GAN: variants seen among roughly 807,000 people sequenced by gnomAD.
GAN encodes epididymis secretory sperm binding protein.
GAN carries 48 observed loss-of-function variants against 71.3 expected under a neutral mutation model. The observed-to-expected ratio is 0.67, with a 90% CI of 0.53 to 0.86. The LOEUF is 0.86. Among genes scored for constraint, GAN ranks in the 40% least tolerant of loss-of-function variants. GAN has a pLI of 0.00. For missense variants in GAN, 928 were observed against 770.1 expected (o/e 1.21, Z -2.43); for synonymous variants, 386 against 276.8 (o/e 1.39, Z -3.92).
intron 7 of GAN, 83 bp from the exon 8 acceptor site, chr16:81,364,891 T>A: frequency 7.5e-7 from 1 of 1,341,394 alleles, no homozygotes; most frequent in South Asian, 1.2e-5. Flanking sequence ...TCTCTTTAAG[T>A]ATGGCCCAGA....
At position 81,363,846 on chromosome 16, in the gene GAN, G is replaced by C. The variant is rs1427637335; in HGVS notation, c.1139G>C (p.Gly380Ala). The change falls in exon 7 of 11, where the codon GGA becomes GCA. Residue 380 changes from glycine (G) to alanine (A), a missense_variant. Transcript: ENST00000648994. ...ATAGATGGGATGCTGTACATTTTGG[G>C]AGGAGAGGATGGTGAAAAGGAGCTG... ...VEIDGMLYILGGEDGEKELIS... is the reference protein window; with the variant it reads ...VEIDGMLYILAGEDGEKELIS... 1 of 1,612,534 alleles carries C rather than the reference G, an allele frequency of 6.2e-7. No homozygotes were observed. The highest frequency in any genetic ancestry group is 8.5e-7 in the Non-Finnish European group (1 of 1,178,658).
At chr16:81,373,504 G>A (rs9933437) in intron 9 of GAN, among the ~76,000 whole-genome samples, 84 of 152,338 alleles carry the variant, frequency 5.5e-4, no homozygotes, top group African/African-American at 1.7e-3. Flanking sequence ...TAGTTAAAGA[G>A]TTCCCATTTC....
intron 9 of GAN, 36 bp downstream of exon 9, chr16:81,365,514 T>G (rs1276168025): frequency 1.3e-6 from 2 of 1,599,586 alleles, no homozygotes; most frequent in Non-Finnish European, 1.7e-6. Flanking sequence ...TACTGCAACT[T>G]TTTCTTTGTG....
intron 1 of GAN, among the ~76,000 whole-genome samples, chr16:81,316,292 A>G (rs956794519): frequency 6.6e-6 from 1 of 152,200 alleles, no homozygotes; most frequent in African/African-American, 2.4e-5. Flanking sequence ...TTGACAGGTC[A>G]GAAAAAGCAA....
At chr16:81,354,876 C>T in intron 3 of GAN, 121 bp downstream of exon 3, 2 of 667,404 alleles carry the variant, frequency 3.0e-6, no homozygotes, top group Non-Finnish European at 5.3e-6. Flanking sequence ...TAAAAGATAC[C>T]TGTAAAACAT....
At position 81,338,933 on chromosome 16, in the gene GAN, G is replaced by A. The variant is rs567568624; in HGVS notation, c.168-12650G>A. ...GATGCTACTAAGATGGCATGTGCAG[G>A]CTGGTGATGGTCTGCACATTGTTAC... is the stretch of plus-strand genomic sequence containing the variant. On this transcript the variant is annotated intron_variant, in intron 1 of 10. Coordinates refer to ENST00000648994, the MANE Select transcript of GAN (RefSeq NM_022041.4). Among the ~76,000 whole-genome samples, 236 of 152,348 alleles carry A rather than the reference G, an allele frequency of 1.5e-3. 1 individual carries two copies. The highest frequency in any genetic ancestry group is 5.5e-3 in the African/African-American group (229 of 41,572).
At chr16:81,365,138 G>T in intron 8 of GAN, 28 bp downstream of exon 8, 1 of 1,611,014 alleles carries the variant, frequency 6.2e-7, no homozygotes, top group Non-Finnish European at 8.5e-7. Context: ...GGACTTTGTA[G>T]ATTCCCTTGC....
intron 1 of GAN, among the ~76,000 whole-genome samples, chr16:81,336,680 G>T (rs890253348): frequency 3.3e-5 from 5 of 149,292 alleles, no homozygotes; most frequent in African/African-American, 1.2e-4. Flanking sequence ...GTCTCACTCT[G>T]TTGTCCAGGC....
rs1047029674 is a variant in GAN at position 81,379,819 on chromosome 16, C to T, written c.*2223C>T. On this transcript the variant is annotated 3_prime_UTR_variant, in exon 11 of 11. Transcript: ENST00000648994. ...TTTTTTTCCAGTCTACACCAGGCCT[C>T]TCCAAGGAGACAGTTCATTATTTAG... The T allele has an allele frequency of 1.3e-5, 2 of 152,096 alleles. No individual in the cohort carries two copies. The highest frequency in any genetic ancestry group is 2.9e-5 in the Non-Finnish European group (2 of 68,010). 9.4% of individuals were successfully genotyped at this position (152,096 alleles called of 1,614,324 possible).
intron 1 of GAN, among the ~76,000 whole-genome samples, chr16:81,326,114 A>G (rs191578160): frequency 6.6e-6 from 1 of 152,288 alleles, no homozygotes; most frequent in Admixed American, 6.5e-5. Context: ...TCATCGCCTC[A>G]TTTAGTGTGG....
At position 81,380,594 on chromosome 16, in the gene GAN, C is replaced by G. The variant is rs1208406065; in HGVS notation, c.*2998C>G. 1.3e-5 allele frequency: 2 copies of G among 152,066 alleles called. No homozygotes were observed. The highest frequency in any genetic ancestry group is 2.9e-5 in the Non-Finnish European group (2 of 68,018). 9.4% of individuals were successfully genotyped at this position (152,066 alleles called of 1,614,324 possible). A position where few individuals can be genotyped will look rare whatever the true frequency, so the allele number is the denominator to read the frequency against. On this transcript the variant is annotated 3_prime_UTR_variant, in exon 11 of 11. Transcript: ENST00000648994. The stretch of plus-strand genomic sequence containing the variant: ...ACGTGTGTGTGTGATGCTATTTGAC[C>G]TGATAAATGTATTTGTGTTTACTTT...
At chr16:81,359,978 G>C (rs1910618071) in intron 5 of GAN, among the ~76,000 whole-genome samples, 1 of 152,114 alleles carries the variant, frequency 6.6e-6, no homozygotes, top group Non-Finnish European at 1.5e-5. Context: ...ATAAGGGGTA[G>C]CTACTATATA....
At chr16:81,361,032 G>C (rs1003753816) in intron 5 of GAN, among the ~76,000 whole-genome samples, 3 of 152,046 alleles carry the variant, frequency 2.0e-5, no homozygotes, top group Non-Finnish European at 4.4e-5. Flanking sequence ...GAAATCAACT[G>C]GCCAACATGG....
rs1332806151 is a variant in GAN at position 81,387,705 on chromosome 16, A to G, written c.*10109A>G. ...TTGGTGGGCCCCTGTAATCCCAGCT[A>G]CTCGGGAGGTTGAGGGAGGAGAATC... On this transcript the variant is annotated 3_prime_UTR_variant, in exon 11 of 11. Coordinates refer to ENST00000648994, the MANE Select transcript of GAN (RefSeq NM_022041.4). The G allele has an allele frequency of 6.6e-6, 1 of 151,910 alleles. No individual in the cohort carries two copies. The highest frequency in any genetic ancestry group is 1.5e-5 in the Non-Finnish European group (1 of 68,064). The allele number at this position is 151,910 out of a possible 1,614,324, so 9.4% of individuals were successfully genotyped here.
In GAN at chr16:81,377,750, T is replaced by C; in HGVS notation, c.*154T>C. The C allele has an allele frequency of 4.0e-6, 3 of 746,148 alleles. No homozygotes were observed. Among genetic ancestry groups the C allele is most frequent in the Admixed American group, 2.2e-5 (1 of 46,182 alleles). 46.2% of individuals were successfully genotyped at this position (746,148 alleles called of 1,614,324 possible). Reference sequence around the variant, plus strand: ...TTATGATGCTTACAAACTTGAGCTTTAGCTCTTGTTTGGGAGAACACGTAA... The same window carrying C: ...TTATGATGCTTACAAACTTGAGCTTCAGCTCTTGTTTGGGAGAACACGTAA... On this transcript the variant is annotated 3_prime_UTR_variant, in exon 11 of 11. Coordinates refer to ENST00000648994, the MANE Select transcript of GAN (RefSeq NM_022041.4).
chr16:81,369,933 G>A (rs540953203), intron 9 of GAN, among the ~76,000 whole-genome samples: 61 of 152,288 alleles, frequency 4.0e-4, no homozygotes, highest in Admixed American at 1.0e-3. Context: ...TGATCATACT[G>A]ATCCCAAATT....
intron 1 of GAN, among the ~76,000 whole-genome samples, chr16:81,342,766 A>G (rs1348297808): frequency 6.6e-6 from 1 of 152,240 alleles, no homozygotes; most frequent in Admixed American, 6.5e-5. Context: ...GCAGAAGACA[A>G]GAAATAACTA....
At chr16:81,360,763 A>G (rs1046380071) in intron 5 of GAN, among the ~76,000 whole-genome samples, 7 of 152,036 alleles carry the variant, frequency 4.6e-5, no homozygotes, top group African/African-American at 1.7e-4. Context: ...TAAATTTTAG[A>G]CTTTATTCTT....
Position 81,337,677 on chromosome 16 carries a change from A to T in GAN, c.168-13906A>T, listed in dbSNP as rs145706866. On this transcript the variant is annotated intron_variant, in intron 1 of 10. Coordinates refer to ENST00000648994, the MANE Select transcript of GAN (RefSeq NM_022041.4). ...CCCTTTCATGGATGTAAAACTTTGAATAATACCATCTTCTTTATTAGCTAG... is the reference window on the plus strand; with the variant it reads ...CCCTTTCATGGATGTAAAACTTTGATTAATACCATCTTCTTTATTAGCTAG... Among the ~76,000 whole-genome samples the T allele has an allele frequency of 9.3e-3, 1,418 of 152,354 alleles. 20 individuals carry two copies. The highest frequency in any genetic ancestry group is 0.032 in the African/African-American group (1,347 of 41,572).
Sources: gnomAD v4.1 joint callset for allele counts (sites outside exome capture counted in the v4.1 genomes callset) on GRCh38, gnomAD v4.1.1 for gene constraint, MANE v1.5 for transcripts, NCBI Gene and HGNC (gene_info 2026-07-23, HGNC 2026-07-21) for gene names.